FAM78B: variants seen among roughly 807,000 people sequenced by gnomAD.
The protein encoded by FAM78B is family with sequence similarity 78 member B.
FAM78B carries 10 observed loss-of-function variants against 20.0 expected under a neutral mutation model. That is an observed-to-expected ratio of 0.50 (90% CI 0.31 to 0.85). The LOEUF is 0.85. Among genes scored for constraint, FAM78B ranks in the 40% least tolerant of loss-of-function variants. FAM78B has a pLI of 0.05. For missense variants in FAM78B, 283 were observed against 345.0 expected (o/e 0.82, Z 1.42); for synonymous variants, 135 against 132.8 (o/e 1.02, Z -0.12).
intron 1 of FAM78B, among the ~76,000 whole-genome samples, chr1:166,125,479 C>T (rs546169965): frequency 1.3e-5 from 2 of 152,180 alleles, no homozygotes; most frequent in African/African-American, 4.8e-5. Context: ...TTAACTACAA[C>T]CTGACAGCAA....
chr1:166,156,021 T>C (rs1405804757), intron 1 of FAM78B, among the ~76,000 whole-genome samples: 1 of 152,184 alleles, frequency 6.6e-6, no homozygotes, highest in Non-Finnish European at 1.5e-5. Flanking sequence ...CAGAAAGTGC[T>C]GACTGCGGAT....
exon 3 of FAM78B, chr1:166,057,914 G>A (rs1214100137): frequency 6.6e-6 from 1 of 152,072 alleles, no homozygotes; most frequent in African/African-American, 2.4e-5. Context: ...GTTTCCCAGC[G>A]AGATCTAAAT....
At chr1:166,118,224 C>T (rs995728633) in intron 1 of FAM78B, among the ~76,000 whole-genome samples, 15 of 152,138 alleles carry the variant, frequency 9.9e-5, no homozygotes, top group African/African-American at 3.4e-4. Context: ...AGATGACAGG[C>T]TCTTTGCAGA....
chr1:166,125,736 T>C (rs1251307779), intron 1 of FAM78B, among the ~76,000 whole-genome samples: 2 of 152,162 alleles, frequency 1.3e-5, no homozygotes, highest in African/African-American at 4.8e-5. Context: ...CATCTCTACA[T>C]TACCTATAAC....
At chr1:166,124,992 T>G (rs2101772315) in intron 1 of FAM78B, among the ~76,000 whole-genome samples, 1 of 152,344 alleles carries the variant, frequency 6.6e-6, no homozygotes, top group South Asian at 2.1e-4. Context: ...CAGCTATACT[T>G]TCTCTCTCCA....
At chr1:166,110,417 C>T (rs1241429468) in intron 1 of FAM78B, among the ~76,000 whole-genome samples, 1 of 152,112 alleles carries the variant, frequency 6.6e-6, no homozygotes, top group African/African-American at 2.4e-5. Context: ...AGTGAGCTTT[C>T]ACTTCTGCTG....
intron 2 of FAM78B, among the ~76,000 whole-genome samples, chr1:166,063,859 G>A (rs1225764928): frequency 6.6e-6 from 1 of 152,238 alleles, no homozygotes; most frequent in Non-Finnish European, 1.5e-5. Context: ...GCACTCAGCT[G>A]TTTTGAGGAT....
intron 1 of FAM78B, among the ~76,000 whole-genome samples, chr1:166,086,259 A>G (rs533612003): frequency 3.9e-4 from 59 of 152,252 alleles, no homozygotes; most frequent in Non-Finnish European, 6.2e-4. Flanking sequence ...CAGGTCCTCT[A>G]ACCTGATTCT....
Position 166,166,873 on chromosome 1 carries a change from C to T in FAM78B, c.-625G>A. On this transcript the variant is annotated 5_prime_UTR_variant, in exon 1 of 2. Transcript: ENST00000354422. ...CGCCGGCCCCGCCCCGTAGCCGGACCACACCGACACTCCTCGGCCCGGCTG... is the reference window on the plus strand; with the variant it reads ...CGCCGGCCCCGCCCCGTAGCCGGACTACACCGACACTCCTCGGCCCGGCTG... 6.6e-6 allele frequency: 1 copy of T among 151,928 alleles called. No homozygotes were observed. The highest frequency in any genetic ancestry group is 2.0e-4 in the South Asian group (1 of 4,926). The allele number at this position is 151,928 out of a possible 1,614,324, so 9.4% of individuals were successfully genotyped here.
chr1:166,079,532 T>C (rs972921464), intron 1 of FAM78B, among the ~76,000 whole-genome samples: 1 of 152,158 alleles, frequency 6.6e-6, no homozygotes, highest in Non-Finnish European at 1.5e-5. Flanking sequence ...GACCATGTGT[T>C]GGGTGCCCAC....
intron 1 of FAM78B, among the ~76,000 whole-genome samples, chr1:166,137,883 T>C (rs1655126271): frequency 6.6e-6 from 1 of 152,188 alleles, no homozygotes; most frequent in African/African-American, 2.4e-5. Context: ...CATGCAGGAA[T>C]GCAGGAGGGA....
chr1:166,134,826 C>T (rs1207838912), intron 1 of FAM78B, among the ~76,000 whole-genome samples: 1 of 152,126 alleles, frequency 6.6e-6, no homozygotes. Flanking sequence ...TCTAAAGGTT[C>T]GTGTCTAGAA....
At chr1:166,111,449 C>T (rs1164262322) in intron 1 of FAM78B, among the ~76,000 whole-genome samples, 1 of 152,234 alleles carries the variant, frequency 6.6e-6, no homozygotes, top group Non-Finnish European at 1.5e-5. Flanking sequence ...ACAGGGCTAC[C>T]TGTTACAGAG....
chr1:166,088,366 TCTC>T (rs1652920368), intron 1 of FAM78B, among the ~76,000 whole-genome samples: 1 of 152,030 alleles, frequency 6.6e-6, no homozygotes, highest in African/African-American at 2.4e-5. Flanking sequence ...TGCTCCATGT[TCTC>T]CTCACTCCCT....
intron 1 of FAM78B, among the ~76,000 whole-genome samples, chr1:166,090,324 A>G (rs1166687137): frequency 2.0e-5 from 3 of 152,210 alleles, no homozygotes; most frequent in East Asian, 3.8e-4. Flanking sequence ...CATCACAATC[A>G]TCTGTCCACA....
rs139992700 is a variant in FAM78B, at chr1:166,158,207, C to T, written c.263+7779G>A. On this transcript the variant is annotated intron_variant, in intron 1 of 1. Transcript: ENST00000354422. ...AGGTGTGGTGGTACATGACTGTGGT[C>T]CCAACTACTCGGGAGGCTGAGGTGG... Among the ~76,000 whole-genome samples, 18 of 152,234 alleles carry T rather than the reference C, an allele frequency of 1.2e-4. 1 individual carries two copies. The highest frequency in any genetic ancestry group is 4.1e-4 in the South Asian group (2 of 4,822).
At chr1:166,088,004 C>T (rs1652902229) in intron 1 of FAM78B, among the ~76,000 whole-genome samples, 1 of 152,064 alleles carries the variant, frequency 6.6e-6, no homozygotes, top group Admixed American at 6.5e-5. Context: ...ACCTTCTGCA[C>T]CCTGGGGAGG....
intron 2 of FAM78B, among the ~76,000 whole-genome samples, chr1:166,061,382 C>T (rs906019578): frequency 9.9e-5 from 15 of 152,034 alleles, no homozygotes; most frequent in African/African-American, 3.6e-4. Flanking sequence ...TTTTGATATG[C>T]TCTGTCTGCT....
chr1:166,107,789 T>A (rs1354378184), intron 1 of FAM78B, among the ~76,000 whole-genome samples: 1 of 152,136 alleles, frequency 6.6e-6, no homozygotes, highest in Non-Finnish European at 1.5e-5. Context: ...AAAGAGATAA[T>A]CCGTGATGAT....
Sources: gnomAD v4.1 joint callset for allele counts (sites outside exome capture counted in the v4.1 genomes callset) on GRCh38, gnomAD v4.1.1 for gene constraint, MANE v1.5 for transcripts, NCBI Gene and HGNC (gene_info 2026-07-23, HGNC 2026-07-21) for gene names.